The following CLCN6 variants were observed in gnomAD, a reference collection of about 807,000 sequenced individuals.
CLCN6 encodes Cl-/H+ antiporter 6.
A neutral mutation model predicts 109.8 loss-of-function variants in CLCN6; 70 were observed. The ratio of observed to expected loss-of-function variants is 0.64; its 90% CI spans 0.53 to 0.78. The LOEUF (loss-of-function observed/expected upper bound fraction) is 0.78. Among genes scored for constraint, CLCN6 ranks in the 30% least tolerant of loss-of-function variants. The probability of loss-of-function intolerance (pLI) is 0.00; values close to 1 mark genes in which losing one functional copy is unlikely to be tolerated. For missense variants in CLCN6, 984 were observed against 1,142.3 expected (o/e 0.86, Z 2.00); for synonymous variants, 444 against 447.8 (o/e 0.99, Z 0.11).
intron 1 of CLCN6, 36 bp downstream of exon 1, chr1:11,806,385 G>C (rs111334345): frequency 6.8e-7 from 1 of 1,470,136 alleles, no homozygotes; most frequent in East Asian, 2.9e-5. Context: ...GGGAGGGGGC[G>C]GTTGCTAAGG....
At chr1:11,828,363 G>A in intron 11 of CLCN6, 95 bp from the exon 12 acceptor site, 1 of 1,533,622 alleles carries the variant, frequency 6.5e-7, no homozygotes. Context: ...GTGCGGGAAA[G>A]CAGCCCCACT....
At chr1:11,816,516 C>T in intron 3 of CLCN6, 99 bp from the exon 4 acceptor site, 1 of 1,054,120 alleles carries the variant, frequency 9.5e-7, no homozygotes, top group Non-Finnish European at 1.4e-6. Flanking sequence ...GCCTGCTCTC[C>T]ACGTGGAATT....
In CLCN6 at chr1:11,816,597, C is replaced by A. The variant is rs1191928638; in HGVS notation, c.214-18C>A. 1.2e-6 allele frequency: 2 copies of A among 1,608,954 alleles called. No homozygotes were observed. The highest frequency in any genetic ancestry group is 1.7e-6 in the Non-Finnish European group (2 of 1,177,320). On this transcript the variant is annotated intron_variant, in intron 3 of 22. Transcript: ENST00000346436. ...CCATAACCCTGTAAACTGAATCATT[C>A]TTTTCCTGTGTGAACAGAAAGGTCG...
intron 18 of CLCN6, 138 bp downstream of exon 18, chr1:11,836,291 G>C (rs140873327): frequency 1.4e-5 from 10 of 716,166 alleles, no homozygotes; most frequent in Admixed American, 3.0e-5. Flanking sequence ...CATCACATGC[G>C]ACAGGGAGAG....
chr1:11,819,365 G>A, intron 4 of CLCN6, 123 bp from the exon 5 acceptor site: 1 of 849,320 alleles, frequency 1.2e-6, no homozygotes, highest in East Asian at 2.4e-5. Flanking sequence ...ACGTACTGCT[G>A]GCTGGTGAGC....
intron 10 of CLCN6, 43 bp downstream of exon 10, chr1:11,827,264 A>G: frequency 6.3e-7 from 1 of 1,585,658 alleles, no homozygotes; most frequent in Non-Finnish European, 8.6e-7. Context: ...CACCCCCCGA[A>G]TTACACTGGG....
intron 10 of CLCN6, 144 bp from the exon 11 acceptor site, chr1:11,827,962 T>A (rs1644834005): frequency 1.4e-6 from 1 of 693,206 alleles, no homozygotes; most frequent in African/African-American, 1.8e-5. Context: ...GGGGTGTATC[T>A]ACTGTAAGGG....
intron 2 of CLCN6, among the ~76,000 whole-genome samples, chr1:11,813,579 C>T (rs574112644): frequency 4.2e-4 from 64 of 152,152 alleles, no homozygotes; most frequent in African/African-American, 1.5e-3. Context: ...TTGGTAGAGA[C>T]GGGGTTTCGC....
At chr1:11,824,350 A>T (rs1644784470) in intron 7 of CLCN6, 136 bp from the exon 8 acceptor site, 3 of 565,648 alleles carry the variant, frequency 5.3e-6, no homozygotes. Context: ...TTTGGTGGGA[A>T]TTTGGCTCTT....
intron 12 of CLCN6, among the ~76,000 whole-genome samples, 154 bp from the exon 13 acceptor site, chr1:11,829,042 C>G (rs1030371802): frequency 1.3e-5 from 2 of 152,200 alleles, no homozygotes; most frequent in African/African-American, 4.8e-5. Flanking sequence ...TACAGCAAAT[C>G]ACGGATCAAT....
intron 2 of CLCN6, among the ~76,000 whole-genome samples, chr1:11,808,669 C>G (rs115639356): frequency 0.013 from 1,746 of 138,084 alleles, 24 homozygotes; most frequent in African/African-American, 0.033. Flanking sequence ...TAATCTGTAG[C>G]TTCTTCCTTC....
rs199676414 is a variant in CLCN6 at position 11,823,758 on chromosome 1, G to A, written c.505G>A (p.Val169Ile). Reference sequence around the variant, plus strand: ...CGAGGTCAAATGCTATCTGAATGGCGTAAAGGTGCCAGGAATCGTCCGTCT... The same window carrying A: ...CGAGGTCAAATGCTATCTGAATGGCATAAAGGTGCCAGGAATCGTCCGTCT... ...IPEVKCYLNG[V>I]KVPGIVRLRT... The change falls in exon 7 of 23, where the codon GTA becomes ATA. Residue 169 changes from valine to isoleucine, a missense_variant. Coordinates refer to ENST00000346436, the MANE Select transcript of CLCN6 (RefSeq NM_001286.5). The A allele has an allele frequency of 3.0e-5, 48 of 1,614,284 alleles. No individual in the cohort carries two copies. Among genetic ancestry groups the A allele is most frequent in the East Asian group, 1.8e-4 (8 of 44,894 alleles).
At chr1:11,820,982 G>A (rs1357161015) in intron 5 of CLCN6, among the ~76,000 whole-genome samples, 2 of 150,754 alleles carry the variant, frequency 1.3e-5, no homozygotes, top group Non-Finnish European at 3.0e-5. Flanking sequence ...AGGCTGAGGT[G>A]GGAGAATCGC....
At chr1:11,833,402 T>G in intron 13 of CLCN6, 113 bp from the exon 14 acceptor site, 1 of 1,044,022 alleles carries the variant, frequency 9.6e-7, no homozygotes, top group African/African-American at 1.6e-5. Context: ...TTGGCCTGTT[T>G]GATTGATGGG....
chr1:11,828,897 C>T (rs1380567569), intron 12 of CLCN6, among the ~76,000 whole-genome samples: 1 of 152,228 alleles, frequency 6.6e-6, no homozygotes, highest in Non-Finnish European at 1.5e-5. Context: ...CGTGGCCCTG[C>T]CGAGCAGCTT....
chr1:11,821,080 AC>A (rs113580307), intron 5 of CLCN6, among the ~76,000 whole-genome samples: 5,469 of 123,534 alleles, frequency 0.044, 335 homozygotes, highest in African/African-American at 0.15. Context: ...GTCTCAAAAA[AC>A]AACAACAAAA....
intron 13 of CLCN6, among the ~76,000 whole-genome samples, chr1:11,832,226 G>T (rs888683255): frequency 6.6e-6 from 1 of 152,172 alleles, no homozygotes; most frequent in Non-Finnish European, 1.5e-5. Flanking sequence ...CATTTTATAG[G>T]TGAGGAAACT....
chr1:11,833,739 C>G, intron 14 of CLCN6, 101 bp downstream of exon 14: 1 of 1,570,276 alleles, frequency 6.4e-7, no homozygotes. Context: ...TTCTTTGTAA[C>G]GCCCACCCAG....
intron 20 of CLCN6, 138 bp from the exon 21 acceptor site, chr1:11,838,195 CTG>C: frequency 1.3e-6 from 1 of 757,310 alleles, no homozygotes; most frequent in Non-Finnish European, 2.2e-6. Context: ...AGCTCTCACT[CTG>C]GAGCGCTTGC....
Sources: allele counts gnomAD v4.1 joint callset (sites outside exome capture counted in the v4.1 genomes callset), GRCh38; gene constraint gnomAD v4.1.1; transcripts MANE v1.5; gene names NCBI Gene and HGNC (gene_info 2026-07-23, HGNC 2026-07-21).